The following STK32B variants were observed in gnomAD, a reference collection of about 807,000 sequenced individuals.
STK32B encodes the protein serine/threonine kinase 32B.
In STK32B, 43 loss-of-function variants were observed where a neutral mutation model predicts 52.6. The ratio of observed to expected loss-of-function variants is 0.82; its 90% CI spans 0.64 to 1.05. The LOEUF (loss-of-function observed/expected upper bound fraction) is 1.05. Among genes scored for constraint, STK32B ranks in the 50% least tolerant of loss-of-function variants. The pLI is 0.00. For synonymous variants in STK32B, 238 were observed against 204.3 expected, an observed-to-expected ratio of 1.17 and a Z score of -1.41; for missense variants, 621 against 534.6, an observed-to-expected ratio of 1.16 and a Z score of -1.59.
chr4:5,423,266 C>A (rs1178662568), intron 6 of STK32B, among the ~76,000 whole-genome samples: 2 of 152,040 alleles, frequency 1.3e-5, no homozygotes, highest in Non-Finnish European at 2.9e-5. Context: ...TGGGTGTCTT[C>A]CACTCAGTGG....
At chr4:5,356,652 C>T (rs1367979130) in intron 4 of STK32B, among the ~76,000 whole-genome samples, 3 of 151,754 alleles carry the variant, frequency 2.0e-5, no homozygotes, top group Admixed American at 6.6e-5. Context: ...TCTGGAATTA[C>T]CTCTATTTCC....
chr4:5,255,414 G>A (rs1176618539), intron 3 of STK32B, among the ~76,000 whole-genome samples: 1 of 152,042 alleles, frequency 6.6e-6, no homozygotes, highest in African/African-American at 2.4e-5. Flanking sequence ...TATCTCATAG[G>A]TTTTTTTAAA....
intron 6 of STK32B, among the ~76,000 whole-genome samples, chr4:5,432,542 T>C: frequency 6.6e-6 from 1 of 151,716 alleles, no homozygotes; most frequent in Admixed American, 6.6e-5. Flanking sequence ...AGTCTTGAAG[T>C]ATGAATAGGA....
At chr4:5,448,180 A>G (rs149618679) in intron 7 of STK32B, among the ~76,000 whole-genome samples, 5 of 152,342 alleles carry the variant, frequency 3.3e-5, no homozygotes, top group African/African-American at 9.6e-5. Context: ...TTTCCCCTGA[A>G]TTCCTCAAAA....
rs116524882 is a variant in STK32B at position 5,207,348 on chromosome 4, C to T, written c.260+38898C>T. On this transcript the variant is annotated intron_variant, in intron 3 of 11. Coordinates refer to ENST00000282908, the MANE Select transcript of STK32B (RefSeq NM_018401.3). ...TGGAGGCAGGTTTTCCCGTGCTTTTCTCGTGATAGCGAATAAGTTTCATGA... is the reference window on the plus strand; with the variant it reads ...TGGAGGCAGGTTTTCCCGTGCTTTTTTCGTGATAGCGAATAAGTTTCATGA... Among the ~76,000 whole-genome samples the T allele has an allele frequency of 7.1e-3, 1,082 of 152,288 alleles. 13 individuals carry two copies. Among genetic ancestry groups the T allele is most frequent in the African/African-American group, 0.024 (1,007 of 41,564 alleles).
At chr4:5,161,912 A>G (rs966545451) in intron 2 of STK32B, among the ~76,000 whole-genome samples, 2 of 151,424 alleles carry the variant, frequency 1.3e-5, no homozygotes, top group Admixed American at 1.3e-4. Context: ...TTAATGTCAC[A>G]CTGTAGCTGT....
At chr4:5,207,566 T>C (rs1722648512) in intron 3 of STK32B, among the ~76,000 whole-genome samples, 1 of 152,006 alleles carries the variant, frequency 6.6e-6, no homozygotes, top group Non-Finnish European at 1.5e-5. Context: ...TATTTCTTCA[T>C]AACAGTATGA....
chr4:5,168,031 C>T (rs928991966), intron 2 of STK32B, among the ~76,000 whole-genome samples: 10 of 152,178 alleles, frequency 6.6e-5, no homozygotes, highest in African/African-American at 2.4e-4. Context: ...CCTGCTTCTT[C>T]CATCTTCTGT....
chr4:5,456,324 G>C (rs769695322), intron 7 of STK32B, among the ~76,000 whole-genome samples: 1 of 152,234 alleles, frequency 6.6e-6, no homozygotes, highest in Non-Finnish European at 1.5e-5. Flanking sequence ...CCATCCCTCA[G>C]CCCAACCACA....
intron 3 of STK32B, among the ~76,000 whole-genome samples, chr4:5,213,393 G>T (rs1723013060): frequency 6.6e-6 from 1 of 152,188 alleles, no homozygotes; most frequent in Non-Finnish European, 1.5e-5. Flanking sequence ...TGCCCCACTT[G>T]TTCAAAGCCA....
intron 6 of STK32B, among the ~76,000 whole-genome samples, chr4:5,429,560 T>C (rs1308331874): frequency 1.1e-5 from 1 of 88,038 alleles, no homozygotes. Flanking sequence ...TTACTATAAA[T>C]ATATGTCATT....
intron 4 of STK32B, among the ~76,000 whole-genome samples, chr4:5,389,781 T>C (rs1292264074): frequency 6.6e-6 from 1 of 152,170 alleles, no homozygotes; most frequent in African/African-American, 2.4e-5. Flanking sequence ...TGTGTCACCT[T>C]ACAGGGCAAA....
intron 4 of STK32B, among the ~76,000 whole-genome samples, chr4:5,344,860 G>A (rs1350126340): frequency 2.6e-5 from 4 of 151,968 alleles, no homozygotes; most frequent in African/African-American, 9.7e-5. Flanking sequence ...GCCAAGGTGG[G>A]AGGATCACTC....
At chr4:5,489,879 G>A (rs148105878) in intron 11 of STK32B, among the ~76,000 whole-genome samples, 1 of 152,020 alleles carries the variant, frequency 6.6e-6, no homozygotes, top group African/African-American at 2.4e-5. Flanking sequence ...GGCTACATCA[G>A]ATTTTATTAT....
intron 6 of STK32B, among the ~76,000 whole-genome samples, chr4:5,427,782 T>C (rs1394150613): frequency 6.6e-6 from 1 of 152,130 alleles, no homozygotes; most frequent in Non-Finnish European, 1.5e-5. Flanking sequence ...ATTGATGTTT[T>C]CTCTCTGGTT....
In STK32B at chr4:5,333,406, A is replaced by T. The variant is rs76900526; in HGVS notation, c.434+2013A>T. ...TTTGTCAGATGAGTAGGTTGGGAAA[A>T]TGTTCTCCCATTTTGTAGGTTGCCT... On this transcript the variant is annotated intron_variant, in intron 4 of 11. Coordinates refer to ENST00000282908, the MANE Select transcript of STK32B (RefSeq NM_018401.3). Among the ~76,000 whole-genome samples, 1,087 of 152,262 alleles carry T rather than the reference A, an allele frequency of 7.1e-3. 7 individuals are homozygous for T. Among genetic ancestry groups the T allele is most frequent in the Middle Eastern group, 0.014 (4 of 294 alleles).
intron 3 of STK32B, among the ~76,000 whole-genome samples, chr4:5,189,222 G>A (rs1178853045): frequency 1.3e-5 from 2 of 152,128 alleles, no homozygotes; most frequent in Admixed American, 1.3e-4. Flanking sequence ...TTCTGTAGGT[G>A]TGGACAAATG....
intron 3 of STK32B, among the ~76,000 whole-genome samples, chr4:5,217,788 T>G (rs191444543): frequency 4.7e-4 from 72 of 152,278 alleles, no homozygotes; most frequent in Non-Finnish European, 2.9e-5. Flanking sequence ...GATTTCTCAT[T>G]CAGGAAGAGA....
At chr4:5,188,971 C>G (rs540476421) in intron 3 of STK32B, among the ~76,000 whole-genome samples, 8 of 151,840 alleles carry the variant, frequency 5.3e-5, no homozygotes, top group African/African-American at 1.9e-4. Flanking sequence ...ATGTAACAAA[C>G]CTGCACGTTG....
Sources: gnomAD v4.1 joint callset for allele counts (sites outside exome capture counted in the v4.1 genomes callset) on GRCh38, gnomAD v4.1.1 for gene constraint, MANE v1.5 for transcripts, NCBI Gene and HGNC (gene_info 2026-07-23, HGNC 2026-07-21) for gene names.